The following DMD variants were observed in gnomAD, a reference collection of about 807,000 sequenced individuals.
DMD encodes mutant dystrophin.
DMD carries 63 observed loss-of-function variants against 330.1 expected under a neutral mutation model. The observed-to-expected ratio is 0.19, with a 90% CI of 0.16 to 0.24. The LOEUF (loss-of-function observed/expected upper bound fraction) is 0.24, where lower values mean the gene tolerates loss of function less well. Ranked by LOEUF, DMD falls within the 10% of genes least tolerant of loss-of-function variation. DMD has a pLI of 1.00. For synonymous variants in DMD, 1,223 were observed against 959.8 expected, an observed-to-expected ratio of 1.27 and a Z score of -5.07; for missense variants, 3,344 against 2,684.1, an observed-to-expected ratio of 1.25 and a Z score of -5.43.
chrX:32,515,692 A>T (rs1242361306), intron 18 of DMD, among the ~76,000 whole-genome samples: 1 of 111,878 alleles, frequency 8.9e-6, no homozygotes, highest in Non-Finnish European at 1.9e-5. Flanking sequence ...GTAAAGCCCA[A>T]GATTGTGTCC....
chrX:31,510,711 A>T (rs3788894), intron 55 of DMD, among the ~76,000 whole-genome samples: 1 of 108,964 alleles, frequency 9.2e-6, no homozygotes, highest in Admixed American at 9.9e-5. Context: ...GGGTTTCACC[A>T]TGTTAGCCAG....
At chrX:31,409,881 C>G (rs748659918) in intron 60 of DMD, among the ~76,000 whole-genome samples, 2 of 111,920 alleles carry the variant, frequency 1.8e-5, no homozygotes, top group African/African-American at 6.5e-5. Context: ...GGCAGTGACA[C>G]GATCTCTGCT....
At chrX:32,896,520 T>C (rs1219778015) in intron 2 of DMD, among the ~76,000 whole-genome samples, 3 of 111,289 alleles carry the variant, frequency 2.7e-5, no homozygotes, top group African/African-American at 9.8e-5. Flanking sequence ...TAGAAAAAAA[T>C]CGGGGCCCTA....
At chrX:31,176,711 G>A (rs768777112) in intron 71 of DMD, among the ~76,000 whole-genome samples, 1 of 111,229 alleles carries the variant, frequency 9.0e-6, no homozygotes, top group Non-Finnish European at 1.9e-5. Context: ...AAGAGGCAGA[G>A]GACATAACTG....
At chrX:31,141,116 C>T (rs772513108) in intron 76 of DMD, among the ~76,000 whole-genome samples, 1 of 111,077 alleles carries the variant, frequency 9.0e-6, no homozygotes, top group East Asian at 2.8e-4. Context: ...CGCTTGAACC[C>T]AGGAGGTGGA....
chrX:31,443,504 T>A (rs1056946972), intron 60 of DMD, among the ~76,000 whole-genome samples: 1 of 111,287 alleles, frequency 9.0e-6, no homozygotes, highest in Non-Finnish European at 1.9e-5. Context: ...GACTTATTCA[T>A]CCTAATAATA....
At chrX:32,336,493 C>A (rs963046329) in intron 41 of DMD, among the ~76,000 whole-genome samples, 1 of 111,744 alleles carries the variant, frequency 8.9e-6, no homozygotes, top group African/African-American at 3.3e-5. Context: ...AATATTGTAA[C>A]CCTCTTCATA....
At chrX:32,214,065 C>A (rs1244844719) in intron 44 of DMD, among the ~76,000 whole-genome samples, 1 of 110,951 alleles carries the variant, frequency 9.0e-6, no homozygotes, top group Non-Finnish European at 1.9e-5. Context: ...GACCATTAGA[C>A]ATTCTCTGAA....
chrX:31,163,539 T>C (rs1013371835), intron 74 of DMD, among the ~76,000 whole-genome samples: 1 of 112,220 alleles, frequency 8.9e-6, no homozygotes, highest in East Asian at 2.8e-4. Context: ...ACTCCAACTT[T>C]AAAAACATGT....
chrX:32,327,205 A>G (rs1201005215), intron 41 of DMD, among the ~76,000 whole-genome samples: 4 of 110,812 alleles, frequency 3.6e-5, no homozygotes, highest in Non-Finnish European at 7.5e-5. Flanking sequence ...CAAAAAAAAA[A>G]AGAGATAATT....
intron 7 of DMD, among the ~76,000 whole-genome samples, chrX:32,731,694 T>G (rs1423078765): frequency 9.0e-6 from 1 of 111,722 alleles, no homozygotes; most frequent in Non-Finnish European, 1.9e-5. Flanking sequence ...GACCTGCAGC[T>G]GAGGGTCCTG....
intron 43 of DMD, among the ~76,000 whole-genome samples, chrX:32,237,145 C>G (rs2097190949): frequency 9.0e-6 from 1 of 110,555 alleles, no homozygotes; most frequent in Non-Finnish European, 1.9e-5. Context: ...CCCTACATGC[C>G]CCAAAATATT....
chrX:33,242,178 T>C (rs916024151), intron 1 of DMD, among the ~76,000 whole-genome samples: 26 of 111,917 alleles, frequency 2.3e-4, no homozygotes, highest in African/African-American at 8.5e-4. Context: ...AGTTCTTTAG[T>C]GGTGATTTGT....
intron 54 of DMD, among the ~76,000 whole-genome samples, chrX:31,630,731 A>AT (rs900515863): frequency 2.5e-4 from 28 of 110,925 alleles, no homozygotes; most frequent in African/African-American, 4.3e-4. Context: ...CTTGAATTAG[A>AT]TTTTTTTTTA....
intron 54 of DMD, among the ~76,000 whole-genome samples, chrX:31,634,373 A>G (rs1478747123): frequency 9.0e-6 from 1 of 111,411 alleles, no homozygotes; most frequent in East Asian, 2.8e-4. Flanking sequence ...TTCCCAAAGT[A>G]TTGCTGATTA....
At chrX:33,104,082 A>C (rs2095265001) in intron 1 of DMD, among the ~76,000 whole-genome samples, 2 of 111,757 alleles carry the variant, frequency 1.8e-5, no homozygotes, top group South Asian at 7.4e-4. Flanking sequence ...TTAGGAATTT[A>C]TATAATTTAT....
At chrX:33,255,956 T>C (rs940739928) in intron 1 of DMD, among the ~76,000 whole-genome samples, 17 of 111,566 alleles carry the variant, frequency 1.5e-4, no homozygotes, top group African/African-American at 5.2e-4. Flanking sequence ...ACTTCACAAC[T>C]TGTGTAGGAG....
At chrX:32,114,967 A>G (rs1334312534) in intron 44 of DMD, among the ~76,000 whole-genome samples, 10 of 111,787 alleles carry the variant, frequency 8.9e-5, no homozygotes, top group African/African-American at 2.9e-4. Context: ...TGCAAAACCC[A>G]ATGGTCTATT....
At chrX:32,654,830 C>G (rs975481056) in intron 9 of DMD, among the ~76,000 whole-genome samples, 1 of 111,019 alleles carries the variant, frequency 9.0e-6, no homozygotes, top group African/African-American at 3.3e-5. Flanking sequence ...AATTTCAGAG[C>G]CTGTTATTGG....
Sources: gnomAD v4.1 joint callset for allele counts (sites outside exome capture counted in the v4.1 genomes callset) on GRCh38, gnomAD v4.1.1 for gene constraint, MANE v1.5 for transcripts, NCBI Gene and HGNC (gene_info 2026-07-23, HGNC 2026-07-21) for gene names.